OSBPL3: variants seen among roughly 807,000 people sequenced by gnomAD.
The protein encoded by OSBPL3 is oxysterol-binding protein-related protein 3.
Under a neutral mutation model 120.1 loss-of-function variants are expected in OSBPL3, and 65 were observed. The ratio of observed to expected loss-of-function variants is 0.54; its 90% CI spans 0.44 to 0.67. The LOEUF (loss-of-function observed/expected upper bound fraction) is 0.67. Ranked by LOEUF, OSBPL3 falls within the 30% of genes least tolerant of loss-of-function variation. OSBPL3 has a pLI of 0.00. For synonymous variants in OSBPL3, 416 were observed against 402.6 expected, an observed-to-expected ratio of 1.03 and a Z score of -0.40; for missense variants, 1,004 against 1,082.1, an observed-to-expected ratio of 0.93 and a Z score of 1.01.
intron 5 of OSBPL3, 82 bp downstream of exon 5, chr7:24,870,650 C>G: frequency 1.2e-6 from 1 of 868,416 alleles, no homozygotes; most frequent in Non-Finnish European, 2.0e-6. Context: ...GGCCGAATAC[C>G]CAAAAGGCAT....
intron 1 of OSBPL3, among the ~76,000 whole-genome samples, chr7:24,901,062 G>T (rs1430832953): frequency 1.3e-5 from 2 of 151,492 alleles, no homozygotes; most frequent in African/African-American, 4.9e-5. Context: ...AGGTGTGGTG[G>T]CTCACACTTA....
chr7:24,871,145 T>C lies in OSBPL3; in HGVS notation c.268-300A>G, dbSNP rs1293184165. ...AAAAGAGTAAGCACCGTGGGTTGAC[T>C]CCCATGGCAGTGAATTCACCTGTCA... is the stretch of plus-strand genomic sequence containing the variant. On this transcript the variant is annotated intron_variant, in intron 4 of 22. Coordinates refer to ENST00000313367, the MANE Select transcript of OSBPL3 (RefSeq NM_015550.4). This position sits in a 1 kb window ranked among gnomAD's most constrained non-coding sequence, Gnocchi z 4.8. 6.6e-6 allele frequency among the ~76,000 whole-genome samples: 1 copy of C among 152,224 alleles called. No individual in the cohort carries two copies. Among genetic ancestry groups the C allele is most frequent in the East Asian group, 1.9e-4 (1 of 5,200 alleles).
At chr7:24,971,175 G>A (rs1159805000) in intron 1 of OSBPL3, among the ~76,000 whole-genome samples, 2 of 152,206 alleles carry the variant, frequency 1.3e-5, no homozygotes, top group Non-Finnish European at 2.9e-5. Context: ...GCACACAGAG[G>A]GGGTCTCTAA....
At chr7:24,956,261 C>G (rs75172239) in intron 1 of OSBPL3, among the ~76,000 whole-genome samples, 3,006 of 152,384 alleles carry the variant, frequency 0.02, 82 homozygotes, top group African/African-American at 0.068. Context: ...GACTCAGCCT[C>G]AAAGGTGCCA....
chr7:24,917,394 TTTGTAAC>T (rs367898697), intron 1 of OSBPL3, among the ~76,000 whole-genome samples: 14,592 of 92,446 alleles, frequency 0.16, 1,054 homozygotes, highest in East Asian at 0.33. Flanking sequence ...TATATATATA[TTTGTAAC>T]ATATATATAT....
At position 24,920,219 on chromosome 7, in the gene OSBPL3, T is replaced by C. The variant is rs565103313; in HGVS notation, c.-149-27598A>G. 1.5e-3 allele frequency among the ~76,000 whole-genome samples: 226 copies of C among 152,274 alleles called. 2 individuals are homozygous for C. The highest frequency in any genetic ancestry group is 5.2e-3 in the African/African-American group (214 of 41,550). On this transcript the variant is annotated intron_variant, in intron 1 of 22. Coordinates refer to ENST00000313367, the MANE Select transcript of OSBPL3 (RefSeq NM_015550.4). ...ACGTTCATAGTAGCATTATTTATAA[T>C]AGTCAAAAAGTAGAAAAAGCTAAAT... is the stretch of plus-strand genomic sequence containing the variant.
In OSBPL3 at chr7:24,873,110, G is replaced by C. The variant is rs1456740422; in HGVS notation, c.97-1041C>G. On this transcript the variant is annotated intron_variant, in intron 2 of 22. Transcript: ENST00000313367. The surrounding 1 kb of genome is among the most constrained non-coding windows in gnomAD (Gnocchi z 4.1). ...ACACAGAGTAAGTTTTGACAAGCATGACACTTCAGCCAAGATTTCACCTGG... is the reference window on the plus strand; with the variant it reads ...ACACAGAGTAAGTTTTGACAAGCATCACACTTCAGCCAAGATTTCACCTGG... 1.3e-5 allele frequency among the ~76,000 whole-genome samples: 2 copies of C among 152,198 alleles called. No individual in the cohort carries two copies. Among genetic ancestry groups the C allele is most frequent in the East Asian group, 3.8e-4 (2 of 5,204 alleles).
intron 1 of OSBPL3, among the ~76,000 whole-genome samples, chr7:24,905,110 G>A (rs1807697675): frequency 6.8e-6 from 1 of 147,402 alleles, no homozygotes; most frequent in Non-Finnish European, 1.5e-5. Context: ...GGGCTTTGTG[G>A]ACACATAGCC....
At chr7:24,897,237 T>C (rs138637138) in intron 1 of OSBPL3, among the ~76,000 whole-genome samples, 1 of 151,648 alleles carries the variant, frequency 6.6e-6, no homozygotes, top group South Asian at 2.1e-4. Flanking sequence ...TCCTCTCTCC[T>C]GGCTTCCTGA....
intron 5 of OSBPL3, among the ~76,000 whole-genome samples, 153 bp from the exon 6 acceptor site, chr7:24,866,390 C>T (rs1229207605): frequency 6.6e-6 from 1 of 152,176 alleles, no homozygotes; most frequent in Non-Finnish European, 1.5e-5. Flanking sequence ...GTAATTCCAG[C>T]AATTTGGAAG....
chr7:24,927,793 T>C (rs1195083787), intron 1 of OSBPL3, among the ~76,000 whole-genome samples: 2 of 152,198 alleles, frequency 1.3e-5, no homozygotes, highest in African/African-American at 4.8e-5. Flanking sequence ...TGCTTTGCTG[T>C]TCCACACCTT....
chr7:24,970,672 T>C (rs1041297339), intron 1 of OSBPL3, among the ~76,000 whole-genome samples: 1 of 152,242 alleles, frequency 6.6e-6, no homozygotes. Context: ...AGGTCGGGGC[T>C]GTGGCTAATT....
intron 10 of OSBPL3, among the ~76,000 whole-genome samples, chr7:24,857,966 G>A (rs1180466770): frequency 6.6e-6 from 1 of 152,052 alleles, no homozygotes; most frequent in Non-Finnish European, 1.5e-5. Context: ...AACATATTTT[G>A]GGAAATGTAA....
rs2128086192 is a variant in OSBPL3, at chr7:24,800,091, A to C, written c.*92T>G. 1 of 701,280 alleles carries C rather than the reference A, an allele frequency of 1.4e-6. No individual in the cohort carries two copies. The highest frequency in any genetic ancestry group is 2.7e-5 in the East Asian group (1 of 36,632). 43.4% of individuals were successfully genotyped at this position (701,280 alleles called of 1,614,324 possible). On this transcript the variant is annotated 3_prime_UTR_variant, in exon 23 of 23. Transcript: ENST00000313367. ...AGCTAAGCACAAGTGATCATCCTAG[A>C]GTATCTTTTAAATATATAAACACAG...
At chr7:24,917,970 T>C in intron 1 of OSBPL3, 1 of 452,808 alleles carries the variant, frequency 2.2e-6, no homozygotes, top group Non-Finnish European at 2.9e-6. Flanking sequence ...TTTACCAAGA[T>C]TCCTTCAGCC....
At position 24,810,120 on chromosome 7, in the gene OSBPL3, T is replaced by C. The variant is rs554394528; in HGVS notation, c.2173-169A>G. 6 of 634,704 alleles carry C rather than the reference T, an allele frequency of 9.5e-6. No homozygotes were observed. In the South Asian group the frequency reaches 1.2e-4, roughly 12 times the overall value. The allele number at this position is 634,704 out of a possible 1,614,324, so 39.3% of individuals were successfully genotyped here. ...TTTTAACCGACAAATAAAAAATTTA[T>C]ATATTTATCATGTACAACATAGTGT... On this transcript the variant is annotated intron_variant, in intron 19 of 22. Transcript: ENST00000313367.
In OSBPL3 at chr7:24,950,493, C is replaced by T. The variant is rs186088601; in HGVS notation, c.-150+29393G>A. Among the ~76,000 whole-genome samples the T allele has an allele frequency of 3.5e-3, 530 of 152,270 alleles. 2 individuals carry two copies. The highest frequency in any genetic ancestry group is 5.8e-3 in the Non-Finnish European group (392 of 68,014). On this transcript the variant is annotated intron_variant, in intron 1 of 22. Transcript: ENST00000313367. ...ATCCCAGCACTTTGGGAGGCCGAGG[C>T]GGGCGGATCACGAGGTCAGGAGATC...
Position 24,831,872 on chromosome 7 carries a change from T to C in OSBPL3, c.1747-967A>G, listed in dbSNP as rs1165146937. Among the ~76,000 whole-genome samples the C allele has an allele frequency of 1.3e-5, 2 of 152,180 alleles. No individual in the cohort carries two copies. The highest frequency in any genetic ancestry group is 1.5e-5 in the Non-Finnish European group (1 of 68,020). On this transcript the variant is annotated intron_variant, in intron 15 of 22. Transcript: ENST00000313367. The surrounding 1 kb of genome is among the most constrained non-coding windows in gnomAD (Gnocchi z 4.0). ...GGGACCACCTCACCACCTCATGCTA[T>C]AGAATTCTCTAGAGCAGCTGGATGG... is the stretch of plus-strand genomic sequence containing the variant.
At position 24,967,050 on chromosome 7, in the gene OSBPL3, AT is replaced by A. The variant is rs1425806991; in HGVS notation, c.-150+12835del. On this transcript the variant is annotated intron_variant, in intron 1 of 22. Transcript: ENST00000313367. This position sits in a 1 kb window ranked among gnomAD's most constrained non-coding sequence, Gnocchi z 5.6. ...GACTGAATTTGCATGAGCCATCACAATGCCTGTTTGCAGACACTCTAAATCT... is the reference window on the plus strand; with the variant it reads ...GACTGAATTTGCATGAGCCATCACAAGCCTGTTTGCAGACACTCTAAATCT... Among the ~76,000 whole-genome samples the A allele has an allele frequency of 2.5e-4, 38 of 152,188 alleles. No homozygotes were observed. Among genetic ancestry groups the A allele is most frequent in the Non-Finnish European group, 4.6e-4 (31 of 68,020 alleles).
Sources: allele counts gnomAD v4.1 joint callset (sites outside exome capture counted in the v4.1 genomes callset), GRCh38; gene constraint gnomAD v4.1.1; non-coding constraint Gnocchi (gnomAD v3.1); transcripts MANE v1.5; gene names NCBI Gene and HGNC (gene_info 2026-07-23, HGNC 2026-07-21).